TIAM2: variants seen among roughly 807,000 people sequenced by gnomAD.
The protein encoded by TIAM2 is rho guanine nucleotide exchange factor TIAM2.
Under a neutral mutation model 152.9 loss-of-function variants are expected in TIAM2, and 80 were observed. The observed-to-expected ratio is 0.52, with a 90% confidence interval of 0.44 to 0.63. The LOEUF (loss-of-function observed/expected upper bound fraction) is 0.63, where lower values mean the gene tolerates loss of function less well. TIAM2 is among the 30% of genes least tolerant of loss of function. The pLI, the probability that TIAM2 is intolerant of heterozygous loss-of-function variation, is 0.00. For synonymous variants in TIAM2, 804 were observed against 838.0 expected, an observed-to-expected ratio of 0.96 and a Z score of 0.70; for missense variants, 1,965 against 2,120.1, an observed-to-expected ratio of 0.93 and a Z score of 1.44.
chr6:155,220,971 G>T (rs1473702628), intron 15 of TIAM2, among the ~76,000 whole-genome samples: 1 of 152,004 alleles, frequency 6.6e-6, no homozygotes, highest in African/African-American at 2.4e-5. Flanking sequence ...CTGTGTCCAT[G>T]GTTCTCATTG....
intron 25 of TIAM2, 74 bp downstream of exon 25, chr6:155,254,134 A>C: frequency 2.0e-6 from 3 of 1,478,026 alleles, no homozygotes; most frequent in Non-Finnish European, 2.8e-6. Context: ...ATTTATATTT[A>C]GTGCCCTCCT....
chr6:155,124,318 G>A (rs949270670), intron 2 of TIAM2, among the ~76,000 whole-genome samples: 1 of 151,790 alleles, frequency 6.6e-6, no homozygotes. Flanking sequence ...ACCATGCCCA[G>A]CCAGGTTTTG....
intron 16 of TIAM2, among the ~76,000 whole-genome samples, chr6:155,243,229 G>C (rs567426111): frequency 6.6e-6 from 1 of 152,082 alleles, no homozygotes; most frequent in Non-Finnish European, 1.5e-5. Context: ...GAGATTCTGT[G>C]AATCAGTCAA....
At chr6:155,223,045 A>G (rs574132739) in intron 15 of TIAM2, among the ~76,000 whole-genome samples, 2 of 152,276 alleles carry the variant, frequency 1.3e-5, no homozygotes, top group Admixed American at 1.3e-4. Context: ...GTTATTTAGG[A>G]ACTTATTTCA....
At chr6:155,161,077 T>G (rs763206128) in intron 7 of TIAM2, among the ~76,000 whole-genome samples, 2 of 152,202 alleles carry the variant, frequency 1.3e-5, no homozygotes, top group Non-Finnish European at 2.9e-5. Flanking sequence ...CCCTCTGAAT[T>G]CACCTGTATT....
intron 4 of TIAM2, among the ~76,000 whole-genome samples, chr6:155,132,513 T>C (rs1779470886): frequency 3.9e-5 from 6 of 152,050 alleles, no homozygotes. Context: ...ATTGTAGTAA[T>C]TTGTATAGTG....
intron 14 of TIAM2, among the ~76,000 whole-genome samples, chr6:155,200,283 A>C (rs1431987177): frequency 6.6e-6 from 1 of 152,146 alleles, no homozygotes; most frequent in Non-Finnish European, 1.5e-5. Flanking sequence ...TAGCTTCGCT[A>C]TCTATTCTTG....
At position 155,084,532 on chromosome 6, in the gene TIAM2, G is replaced by T. The variant is rs1032522145; in HGVS notation, c.-208-5757G>T. On this transcript the variant is annotated intron_variant, in intron 1 of 26. Transcript: ENST00000682666. The stretch of plus-strand genomic sequence containing the variant: ...ATTGACTGATGTGATCACCAGCCTA[G>T]GGAGAGCAGTGAACAAAATGGGTAT... Among the ~76,000 whole-genome samples, 8 of 152,342 alleles carry T rather than the reference G, an allele frequency of 5.3e-5. No homozygotes were observed. The South Asian group carries it at 6.2e-4, about 12-fold the overall frequency.
chr6:155,188,261 A>G (rs1781104186), intron 14 of TIAM2, among the ~76,000 whole-genome samples: 1 of 152,176 alleles, frequency 6.6e-6, no homozygotes, highest in African/African-American at 2.4e-5. Context: ...ACCATGTTCC[A>G]TTTGGCAAAT....
chr6:155,102,231 C>T (rs1434059529), intron 2 of TIAM2, among the ~76,000 whole-genome samples: 1 of 152,174 alleles, frequency 6.6e-6, no homozygotes, highest in African/African-American at 2.4e-5. Context: ...CTCAAGTGGT[C>T]TGCCTGTCTT....
chr6:155,130,319 T>C lies in TIAM2; in HGVS notation c.1096T>C (p.Phe366Leu), dbSNP rs763757459. 6.2e-7 allele frequency: 1 copy of C among 1,614,086 alleles called. No individual in the cohort carries two copies. ...TCTCCCCTGTCGGAAGCCCAAAGCC[T>C]TTGTTGAGGATACTGCGAAGAAGGA... ...FTLPCRKPKA[F>L]VEDTAKKDSL... The change falls in exon 4 of 27, where the codon TTT (phenylalanine) becomes CTT (leucine). Residue 366 changes from phenylalanine (F) to leucine (L), a missense_variant. By Grantham distance (22) the Phe-to-Leu change is conservative. Coordinates refer to ENST00000682666, the MANE Select transcript of TIAM2 (RefSeq NM_012454.4).
intron 7 of TIAM2, among the ~76,000 whole-genome samples, chr6:155,154,611 A>G (rs560262275): frequency 5.9e-5 from 9 of 152,356 alleles, no homozygotes; most frequent in Admixed American, 2.0e-4. Flanking sequence ...ATTTCAAACA[A>G]GTAAACAAGG....
chr6:155,117,051 TTA>T (rs748475112), intron 2 of TIAM2, among the ~76,000 whole-genome samples: 1 of 141,482 alleles, frequency 7.1e-6, no homozygotes, highest in Non-Finnish European at 1.5e-5. Flanking sequence ...TTTGATATAT[TTA>T]AAAAAAAAAA....
intron 1 of TIAM2, among the ~76,000 whole-genome samples, chr6:155,052,918 C>A (rs565006436): frequency 6.6e-6 from 1 of 152,090 alleles, no homozygotes; most frequent in Non-Finnish European, 1.5e-5. Flanking sequence ...ATGCTAGGAC[C>A]ATGTTTGTTT....
chr6:155,112,353 G>T (rs1376413744), intron 2 of TIAM2, among the ~76,000 whole-genome samples: 1 of 151,834 alleles, frequency 6.6e-6, no homozygotes, highest in African/African-American at 2.4e-5. Flanking sequence ...TCGAACTCCT[G>T]ACCTCAGGTG....
chr6:155,169,262 TG>T (rs1313854293), intron 9 of TIAM2, among the ~76,000 whole-genome samples: 1 of 152,214 alleles, frequency 6.6e-6, no homozygotes, highest in African/African-American at 2.4e-5. Context: ...CCCAAAGTGC[TG>T]GGATGACAGG....
intron 2 of TIAM2, among the ~76,000 whole-genome samples, chr6:155,118,968 C>A (rs1460187107): frequency 6.6e-6 from 1 of 150,678 alleles, no homozygotes; most frequent in Non-Finnish European, 1.5e-5. Context: ...AAAAAAAAAT[C>A]TTGTACTTAC....
chr6:155,035,192 T>TTG (rs386409036), intron 1 of TIAM2, among the ~76,000 whole-genome samples: 7 of 26,266 alleles, frequency 2.7e-4, no homozygotes, highest in South Asian at 3.2e-3. Context: ...TGTTTTGCTG[T>TTG]TTTTTTTATT....
At chr6:155,034,244 T>TG (rs1251747735) in intron 1 of TIAM2, among the ~76,000 whole-genome samples, 2 of 149,930 alleles carry the variant, frequency 1.3e-5, no homozygotes, top group Non-Finnish European at 2.9e-5. Context: ...TGGGGTCCAT[T>TG]GGTTTTTTTG....
Sources: gnomAD v4.1 joint callset for allele counts (sites outside exome capture counted in the v4.1 genomes callset) on GRCh38, gnomAD v4.1.1 for gene constraint, MANE v1.5 for transcripts, NCBI Gene and HGNC (gene_info 2026-07-23, HGNC 2026-07-21) for gene names.